CCDC93: variants seen among roughly 807,000 people sequenced by gnomAD.
CCDC93 encodes the protein CCC complex scaffolding subunit CCDC93, also known as coiled-coil domain-containing protein 93.
CCDC93 carries 61 observed loss-of-function variants against 108.2 expected under a neutral mutation model. The observed-to-expected ratio is 0.56, with a 90% CI of 0.46 to 0.70. The LOEUF is 0.70. Ranked by LOEUF, CCDC93 falls within the 30% of genes least tolerant of loss-of-function variation. CCDC93 has a pLI of 0.00. For missense variants in CCDC93, 685 were observed against 764.2 expected (o/e 0.90, Z 1.22); for synonymous variants, 276 against 260.4 (o/e 1.06, Z -0.58).
Position 117,986,051 on chromosome 2 carries a change from G to A in CCDC93, c.538C>T (p.Arg180Trp), listed in dbSNP as rs767493504. ...GCTCCCTGGTGGCGTTTGTATTTCC[G>A]ACGGGGCTTGTACACTTCCTAAGTG... ...VDLSEVYKPRRKYKRHQGAEE... is the reference protein window; with the variant it reads ...VDLSEVYKPRWKYKRHQGAEE... Residue 180 changes from arginine (R) to tryptophan (W), a missense_variant, in exon 7 of 24, where the codon CGG becomes TGG. By Grantham distance (101) the Arg-to-Trp change is moderately radical (BLOSUM62 -3). Transcript: ENST00000376300. The A allele has an allele frequency of 1.3e-5, 21 of 1,612,080 alleles. No homozygotes were observed. Among genetic ancestry groups the A allele is most frequent in the East Asian group, 4.5e-5 (2 of 44,880 alleles).
rs1035598 is a variant in CCDC93, at chr2:117,949,303, A to T, written c.1142+19T>A. 4 of 1,565,912 alleles carry T rather than the reference A, an allele frequency of 2.6e-6. No homozygotes were observed. The African/African-American group carries it at 4.1e-5, about 16-fold the overall frequency. On this transcript the variant is annotated intron_variant, in intron 14 of 23. Coordinates refer to ENST00000376300, the MANE Select transcript of CCDC93 (RefSeq NM_019044.5). ...CACTTTCATCAAAGCAAAAATAAGC[A>T]CATGCTGAAACCTCTTACCTTGGAT...
intron 11 of CCDC93, among the ~76,000 whole-genome samples, chr2:117,967,176 A>G (rs1261523954): frequency 6.6e-6 from 1 of 152,172 alleles, no homozygotes; most frequent in Non-Finnish European, 1.5e-5. Context: ...GTATTTTAGT[A>G]GAGACAGGGT....
intron 13 of CCDC93, among the ~76,000 whole-genome samples, chr2:117,952,158 C>T (rs1679076853): frequency 6.6e-6 from 1 of 151,990 alleles, no homozygotes; most frequent in Admixed American, 6.6e-5. Flanking sequence ...CCACCAAGAC[C>T]ACTAAGGGAC....
At chr2:117,924,668 G>C (rs1321480187) in intron 23 of CCDC93, among the ~76,000 whole-genome samples, 1 of 152,226 alleles carries the variant, frequency 6.6e-6, no homozygotes, top group African/African-American at 2.4e-5. Context: ...GTACCTGAAA[G>C]TGATGGGGAG....
At chr2:117,999,993 A>C (rs1235649903) in intron 4 of CCDC93, 1 of 152,076 alleles carries the variant, frequency 6.6e-6, no homozygotes, top group Admixed American at 6.6e-5. Context: ...ACTTAATCAT[A>C]GGGGTTTGGG....
intron 23 of CCDC93, among the ~76,000 whole-genome samples, chr2:117,930,230 A>T (rs1016837755): frequency 6.6e-6 from 1 of 152,186 alleles, no homozygotes; most frequent in Non-Finnish European, 1.5e-5. Flanking sequence ...AAACACCAGG[A>T]TACAATCTAC....
chr2:117,979,059 A>G (rs1255732485), intron 7 of CCDC93, among the ~76,000 whole-genome samples: 3 of 152,108 alleles, frequency 2.0e-5, no homozygotes, highest in Admixed American at 6.5e-5. Flanking sequence ...TCTGTGCCTC[A>G]CTTCTGGGTT....
intron 23 of CCDC93, among the ~76,000 whole-genome samples, chr2:117,928,538 T>A (rs1368133661): frequency 1.3e-5 from 2 of 152,058 alleles, no homozygotes; most frequent in East Asian, 3.9e-4. Flanking sequence ...ATCAGAGAAA[T>A]GCAAATCAAA....
chr2:117,952,500 T>C, intron 12 of CCDC93, 65 bp from the exon 13 acceptor site: 1 of 1,157,662 alleles, frequency 8.6e-7, no homozygotes, highest in Non-Finnish European at 1.3e-6. Context: ...GATGTGAATT[T>C]CACAGATGAG....
At chr2:117,984,222 C>A (rs572204867) in intron 7 of CCDC93, among the ~76,000 whole-genome samples, 30 of 152,162 alleles carry the variant, frequency 2.0e-4, no homozygotes, top group East Asian at 7.7e-4. Flanking sequence ...CCAAAAAAAA[C>A]CCCCAAACCT....
intron 7 of CCDC93, chr2:117,985,450 A>T (rs1680287419): frequency 1.0e-6 from 1 of 977,534 alleles, no homozygotes; most frequent in African/African-American, 1.7e-5. Context: ...ACCCAGTGAC[A>T]AGCAAAAAAT....
In CCDC93 at chr2:117,918,328, G is replaced by A. The variant is rs547827192; in HGVS notation, c.*2015C>T. 2.0e-5 allele frequency: 3 copies of A among 151,862 alleles called. No homozygotes were observed. Among genetic ancestry groups the A allele is most frequent in the Admixed American group, 6.6e-5 (1 of 15,240 alleles). 9.4% of individuals were successfully genotyped at this position (151,862 alleles called of 1,614,324 possible). On this transcript the variant is annotated 3_prime_UTR_variant, in exon 24 of 24. Transcript: ENST00000376300. ...AGGCCTTGTCGATAAAAAAAAAAAG[G>A]GAATAGAGATCTATGGACACCTCTC...
chr2:117,916,821 T>C lies in CCDC93; in HGVS notation c.*3522A>G, dbSNP rs754185083. The C allele has an allele frequency of 3.3e-5, 5 of 152,192 alleles. No individual in the cohort carries two copies. Among genetic ancestry groups the C allele is most frequent in the African/African-American group, 4.8e-5 (2 of 41,442 alleles). The allele number at this position is 152,192 out of a possible 1,614,324, so 9.4% of individuals were successfully genotyped here. On this transcript the variant is annotated 3_prime_UTR_variant, in exon 24 of 24. Transcript: ENST00000376300. ...TTTACAATGCATCTTCAGCCTGTAA[T>C]AGAAGGAATGCTCTGGACTTCATGA...
At chr2:117,990,229 G>C (rs957136858) in intron 6 of CCDC93, among the ~76,000 whole-genome samples, 3 of 152,196 alleles carry the variant, frequency 2.0e-5, no homozygotes, top group Non-Finnish European at 4.4e-5. Context: ...AGACAGAGGA[G>C]CTGATTATGA....
chr2:117,927,715 C>T (rs1405484162), intron 23 of CCDC93, among the ~76,000 whole-genome samples: 3 of 152,136 alleles, frequency 2.0e-5, no homozygotes, highest in Non-Finnish European at 4.4e-5. Context: ...ATGCCATCCC[C>T]ATCAAGCTAC....
At chr2:117,976,494 A>C (rs549454916) in intron 8 of CCDC93, among the ~76,000 whole-genome samples, 5 of 152,208 alleles carry the variant, frequency 3.3e-5, no homozygotes, top group Non-Finnish European at 7.3e-5. Context: ...CTAAAAAAGA[A>C]GACATCATAA....
At chr2:118,008,823 G>A (rs1487308690) in intron 1 of CCDC93, 165 bp from the exon 2 acceptor site, 2 of 594,910 alleles carry the variant, frequency 3.4e-6, no homozygotes, top group East Asian at 5.7e-5. Flanking sequence ...AGAAGTATGT[G>A]GACAGTGTTG....
intron 7 of CCDC93, among the ~76,000 whole-genome samples, chr2:117,983,792 A>G: frequency 6.6e-6 from 1 of 152,078 alleles, no homozygotes; most frequent in South Asian, 2.1e-4. Flanking sequence ...AGGGAGGTGG[A>G]ATAGAACACA....
At chr2:117,952,513 A>C (rs1405678828) in intron 12 of CCDC93, 78 bp from the exon 13 acceptor site, 7 of 1,066,636 alleles carry the variant, frequency 6.6e-6, no homozygotes, top group Non-Finnish European at 1.0e-5. Context: ...CAGATGAGAA[A>C]ATGAAAGCTC....
Sources: allele counts gnomAD v4.1 joint callset (sites outside exome capture counted in the v4.1 genomes callset), GRCh38; gene constraint gnomAD v4.1.1; transcripts MANE v1.5; gene names NCBI Gene and HGNC (gene_info 2026-07-23, HGNC 2026-07-21).